The following CDKL1 variants were observed in gnomAD, a reference collection of about 807,000 sequenced individuals.
CDKL1 encodes cyclin-dependent kinase-like 1.
CDKL1 carries 41 observed loss-of-function variants against 42.0 expected under a neutral mutation model. The ratio of observed to expected loss-of-function variants is 0.98; its 90% CI spans 0.76 to 1.27. The LOEUF is 1.27. Ranked by LOEUF, CDKL1 falls within the 50% of genes most tolerant of loss-of-function variation. The pLI, the probability that CDKL1 is intolerant of heterozygous loss-of-function variation, is 0.00. For missense variants in CDKL1, 394 were observed against 428.4 expected (o/e 0.92, Z 0.71); for synonymous variants, 153 against 158.6 (o/e 0.96, Z 0.26).
At chr14:50,382,242 C>T (rs1454495302) in intron 2 of CDKL1, among the ~76,000 whole-genome samples, 9 of 152,010 alleles carry the variant, frequency 5.9e-5, no homozygotes, top group Admixed American at 2.0e-4. Flanking sequence ...CACGAGGTCA[C>T]GAGATCGAGA....
At chr14:50,396,937 T>C, upstream of CDKL1, 3 of 382,936 alleles carry the variant, frequency 7.8e-6, no homozygotes, top group South Asian at 9.3e-5. Flanking sequence ...GCCCCGGGTC[T>C]GCCTGGGCGG....
chr14:50,331,922 G>A, intron 9 of CDKL1: 1 of 1,032,930 alleles, frequency 9.7e-7, no homozygotes, highest in Non-Finnish European at 1.4e-6. Flanking sequence ...TGATGACACA[G>A]AACTGCATGG....
In CDKL1 at chr14:50,335,518, C is replaced by T. The variant is rs769885959; in HGVS notation, c.739-897G>A. 7.2e-6 allele frequency: 11 copies of T among 1,535,904 alleles called. No individual in the cohort carries two copies. The African/African-American group carries it at 8.2e-5, about 11-fold the overall frequency. On this transcript the variant is annotated intron_variant, in intron 7 of 9. Transcript: ENST00000395834. Reference sequence around the variant, plus strand: ...TCAATCTCCTTTTGGCCGTATAAGGCGATTTTGCGCCAGTCACGTGCTGGA... The same window carrying T: ...TCAATCTCCTTTTGGCCGTATAAGGTGATTTTGCGCCAGTCACGTGCTGGA...
chr14:50,336,325 C>CTTACATTTATGAAACCTGGGTTAT, intron 7 of CDKL1: 1 of 1,124,380 alleles, frequency 8.9e-7, no homozygotes. Context: ...TGGGAAGCTT[C>CTTACATTTATGAAACCTGGGTTAT]TTACATTTAT....
intron 8 of CDKL1, chr14:50,334,305 C>T (rs114273923): frequency 0.025 from 7,277 of 292,910 alleles, 337 homozygotes; most frequent in African/African-American, 0.12. Flanking sequence ...TACAGGCGAG[C>T]GCCACCACGC....
At chr14:50,387,324 C>G (rs1194961193) in intron 2 of CDKL1, among the ~76,000 whole-genome samples, 2 of 151,994 alleles carry the variant, frequency 1.3e-5, no homozygotes, top group African/African-American at 4.8e-5. Context: ...GAGTTCACAA[C>G]CAGCCTGTCC....
rs147564785 is a variant in CDKL1 at position 50,396,222 on chromosome 14, G to T, written c.-354C>A. 43,060 of 957,914 alleles carry T rather than the reference G, an allele frequency of 0.045. 1,011 individuals are homozygous for T. Among genetic ancestry groups the T allele is most frequent in the Middle Eastern group, 0.052 (99 of 1,922 alleles). 59.3% of individuals were successfully genotyped at this position (957,914 alleles called of 1,614,324 possible). On this transcript the variant is annotated 5_prime_UTR_variant, in exon 2 of 10. Coordinates refer to ENST00000395834, the MANE Select transcript of CDKL1 (RefSeq NM_004196.7). Reference sequence around the variant, plus strand: ...AAAAAAAAAAAAAAAAAGAAAGAAAGAAAAGAAAAGAAAGGATCTTCACAT... The same window carrying T: ...AAAAAAAAAAAAAAAAAGAAAGAAATAAAAGAAAAGAAAGGATCTTCACAT...
chr14:50,387,730 C>T (rs1391473621), intron 2 of CDKL1, among the ~76,000 whole-genome samples: 2 of 152,106 alleles, frequency 1.3e-5, no homozygotes, highest in African/African-American at 4.8e-5. Context: ...TAATCCATAA[C>T]AGAAAATGCT....
chr14:50,394,035 A>G (rs749239772), intron 2 of CDKL1, among the ~76,000 whole-genome samples: 4 of 152,224 alleles, frequency 2.6e-5, no homozygotes, highest in Non-Finnish European at 5.9e-5. Flanking sequence ...GAAGAACTCA[A>G]TGAATTTGGG....
chr14:50,387,041 A>G (rs2035103480), intron 2 of CDKL1, among the ~76,000 whole-genome samples: 1 of 151,768 alleles, frequency 6.6e-6, no homozygotes. Context: ...AGAAAAAAAA[A>G]AAAAGAATAC....
chr14:50,377,190 C>G (rs1394934330), intron 2 of CDKL1, among the ~76,000 whole-genome samples: 1 of 152,190 alleles, frequency 6.6e-6, no homozygotes, highest in Non-Finnish European at 1.5e-5. Flanking sequence ...CCTGACAGAG[C>G]CTCACCCCAG....
chr14:50,332,742 G>A (rs929719313), intron 8 of CDKL1: 1 of 1,380,904 alleles, frequency 7.2e-7, no homozygotes, highest in Admixed American at 2.1e-5. Flanking sequence ...GCCAAATGGG[G>A]TAATCCATTT....
intron 2 of CDKL1, among the ~76,000 whole-genome samples, chr14:50,363,614 T>G (rs11570803): frequency 1.4e-3 from 218 of 152,354 alleles, no homozygotes; most frequent in Non-Finnish European, 2.7e-3. Context: ...ACTTTGAATC[T>G]TAGAATTCTC....
chr14:50,362,207 G>A (rs1482166420), intron 2 of CDKL1: 1 of 278,572 alleles, frequency 3.6e-6, no homozygotes, highest in Non-Finnish European at 7.1e-6. Context: ...GCGCGGCCGA[G>A]CCTCCACGAT....
At position 50,332,238 on chromosome 14, in the gene CDKL1, TAGG is replaced by T. The variant is rs1473465057; in HGVS notation, c.966+21_966+23del. The stretch of plus-strand genomic sequence containing the variant: ...CCAACTCTCTGTACCAGGTGGCAGG[TAGG>T]AGATCATTTCAAATTATAACCTTGG... On this transcript the variant is annotated intron_variant, in intron 9 of 9. Coordinates refer to ENST00000395834, the MANE Select transcript of CDKL1 (RefSeq NM_004196.7). The T allele has an allele frequency of 2.5e-6, 4 of 1,614,040 alleles. No homozygotes were observed. The African/African-American group carries it at 4.0e-5, about 16-fold the overall frequency.
At chr14:50,343,155 CTTTTTT>C (rs3049935) in intron 4 of CDKL1, 41 of 293,964 alleles carry the variant, frequency 1.4e-4, no homozygotes, top group South Asian at 3.4e-4. Flanking sequence ...TTAAGAGTTA[CTTTTTT>C]TTTTTTTTTT....
Position 50,332,258 on chromosome 14 carries a change from T to C in CDKL1, c.966+4A>G, listed in dbSNP as rs1341610277. The C allele has an allele frequency of 1.2e-6, 2 of 1,614,198 alleles. No individual in the cohort carries two copies. Among genetic ancestry groups the C allele is most frequent in the East Asian group, 2.2e-5 (1 of 44,886 alleles). ...GCAGGTAGGAGATCATTTCAAATTATAACCTTGGATGTTTCTGTAAAGCAG... is the reference window on the plus strand; with the variant it reads ...GCAGGTAGGAGATCATTTCAAATTACAACCTTGGATGTTTCTGTAAAGCAG... On this transcript the variant is annotated splice_donor_region_variant and intron_variant, in intron 9 of 9. Transcript: ENST00000395834.
Position 50,329,054 on chromosome 14 carries a change from TATATATATACATACAC to T in CDKL1, c.*1004_*1019del, listed in dbSNP as rs2139343921. The T allele has an allele frequency of 6.7e-6, 1 of 149,058 alleles. No homozygotes were observed. Among genetic ancestry groups the T allele is most frequent in the East Asian group, 1.9e-4 (1 of 5,142 alleles). The allele number at this position is 149,058 out of a possible 1,614,324, so 9.2% of individuals were successfully genotyped here. A position where few individuals can be genotyped will look rare whatever the true frequency, so the allele number is the denominator to read the frequency against. ...AGAATAGCATATATATATATATATA[TATATATATACATACAC>T]ATACATACACATACAAACATAGTGC... is the stretch of plus-strand genomic sequence containing the variant. On this transcript the variant is annotated 3_prime_UTR_variant, in exon 10 of 10. Transcript: ENST00000395834.
chr14:50,350,068 C>T lies in CDKL1; in HGVS notation c.291-5010G>A, dbSNP rs149475240. Among the ~76,000 whole-genome samples, 10 of 152,086 alleles carry T rather than the reference C, an allele frequency of 6.6e-5. No individual in the cohort carries two copies. In the East Asian group the frequency reaches 1.4e-3, roughly 21 times the overall value. ...TGCTGGGATTACAGGTGTGAGCCACCGTGCTTGGCCAATACTTTTTTTGCA... is the reference window on the plus strand; with the variant it reads ...TGCTGGGATTACAGGTGTGAGCCACTGTGCTTGGCCAATACTTTTTTTGCA... On this transcript the variant is annotated intron_variant, in intron 3 of 9. Coordinates refer to ENST00000395834, the MANE Select transcript of CDKL1 (RefSeq NM_004196.7).
Sources: gnomAD v4.1 joint callset for allele counts (sites outside exome capture counted in the v4.1 genomes callset) on GRCh38, gnomAD v4.1.1 for gene constraint, MANE v1.5 for transcripts, NCBI Gene and HGNC (gene_info 2026-07-23, HGNC 2026-07-21) for gene names.